DPY19L4: variants seen among roughly 807,000 people sequenced by gnomAD.
DPY19L4 encodes the protein probable C-mannosyltransferase DPY19L4.
In DPY19L4, 97 loss-of-function variants were observed where a neutral mutation model predicts 102.8. The ratio of observed to expected loss-of-function variants is 0.94; its 90% CI spans 0.80 to 1.12. The LOEUF is 1.12. Ranked by LOEUF, DPY19L4 falls within the 50% of genes most tolerant of loss-of-function variation. The pLI is 0.00. For synonymous variants in DPY19L4, 252 were observed against 283.1 expected (o/e 0.89, Z 1.10); for missense variants, 815 against 850.4 (o/e 0.96, Z 0.52).
chr8:94,752,017 T>C (rs1168490806), intron 6 of DPY19L4, among the ~76,000 whole-genome samples: 1 of 152,146 alleles, frequency 6.6e-6, no homozygotes, highest in Non-Finnish European at 1.5e-5. Context: ...TGATGGACAT[T>C]TGGGTAGTTT....
chr8:94,788,095 A>ATAT, intron 18 of DPY19L4, 43 bp downstream of exon 18: 3 of 971,352 alleles, frequency 3.1e-6, no homozygotes, highest in African/African-American at 4.6e-5. Context: ...ATATATATAT[A>ATAT]TTTTTTTTTT....
chr8:94,743,164 A>C (rs1326409444), intron 6 of DPY19L4, among the ~76,000 whole-genome samples: 1 of 151,866 alleles, frequency 6.6e-6, no homozygotes, highest in Non-Finnish European at 1.5e-5. Context: ...AGTAGCTGGG[A>C]TTACAGGTGC....
chr8:94,765,664 A>AT, intron 9 of DPY19L4, 47 bp from the exon 10 acceptor site: 1 of 1,401,938 alleles, frequency 7.1e-7, no homozygotes, highest in Non-Finnish European at 1.0e-6. Context: ...TAAATTGTTA[A>AT]TTTTTTAACA....
At chr8:94,728,204 C>T (rs1249426694) in intron 2 of DPY19L4, among the ~76,000 whole-genome samples, 1 of 152,226 alleles carries the variant, frequency 6.6e-6, no homozygotes, top group Non-Finnish European at 1.5e-5. Flanking sequence ...GGTGATCCGC[C>T]TGCAAGCAGG....
intron 13 of DPY19L4, among the ~76,000 whole-genome samples, chr8:94,770,945 C>T (rs191227948): frequency 0.014 from 2,031 of 148,012 alleles, 36 homozygotes; most frequent in South Asian, 0.062. Context: ...TTTAGAATCT[C>T]GCTCTGTCAC....
At chr8:94,767,999 C>A (rs1026010134) in intron 11 of DPY19L4, among the ~76,000 whole-genome samples, 3 of 151,926 alleles carry the variant, frequency 2.0e-5, no homozygotes, top group Non-Finnish European at 2.9e-5. Flanking sequence ...TTGAATTGGC[C>A]ACATTTCAGC....
intron 15 of DPY19L4, 26 bp from the exon 16 acceptor site, chr8:94,781,056 ATT>A (rs36116205): frequency 0.016 from 18,296 of 1,179,238 alleles, no homozygotes; most frequent in Admixed American, 0.028. Context: ...TCTTTTGGGG[ATT>A]TTTTTTTTTT....
intron 14 of DPY19L4, 33 bp from the exon 15 acceptor site, chr8:94,780,326 T>C: frequency 7.0e-7 from 1 of 1,425,070 alleles, no homozygotes; most frequent in Non-Finnish European, 9.4e-7. Context: ...TGAAATGTAT[T>C]TATTTGTAAT....
intron 16 of DPY19L4, among the ~76,000 whole-genome samples, chr8:94,783,331 G>A (rs1445510753): frequency 1.3e-5 from 2 of 152,126 alleles, no homozygotes; most frequent in African/African-American, 2.4e-5. Flanking sequence ...CACTGAACTA[G>A]CCACCTTATC....
intron 15 of DPY19L4, 36 bp downstream of exon 15, chr8:94,780,451 C>T (rs1484960687): frequency 1.5e-6 from 2 of 1,290,474 alleles, no homozygotes; most frequent in East Asian, 2.6e-5. Context: ...ATAAAATGTA[C>T]TTTATCTACA....
chr8:94,786,035 A>G (rs1415420523), intron 17 of DPY19L4, among the ~76,000 whole-genome samples: 1 of 152,244 alleles, frequency 6.6e-6, no homozygotes, highest in Non-Finnish European at 1.5e-5. Flanking sequence ...TCTCTATGGT[A>G]TGTAGCACAT....
At chr8:94,738,662 C>A (rs1811302006) in intron 4 of DPY19L4, among the ~76,000 whole-genome samples, 1 of 151,608 alleles carries the variant, frequency 6.6e-6, no homozygotes, top group Non-Finnish European at 1.5e-5. Context: ...TAAAGGCATG[C>A]ACCACCATGC....
intron 7 of DPY19L4, among the ~76,000 whole-genome samples, chr8:94,760,647 C>G (rs114749125): frequency 0.015 from 2,243 of 152,272 alleles, 49 homozygotes; most frequent in African/African-American, 0.05. Context: ...CAGTTCTTAT[C>G]TTAGGTTTCT....
intron 1 of DPY19L4, among the ~76,000 whole-genome samples, chr8:94,723,489 A>T (rs1045429951): frequency 6.6e-6 from 1 of 151,678 alleles, no homozygotes; most frequent in African/African-American, 2.4e-5. Context: ...AAAAAAAAAG[A>T]TAGTGAAAAG....
Position 94,725,964 on chromosome 8 carries a change from A to G in DPY19L4, c.17-367A>G, listed in dbSNP as rs1434280752. ...GTTTTGATTTTTAAAGAACAGTTAA[A>G]CCATAAATTATGCATTTGATACTTT... On this transcript the variant is annotated intron_variant, in intron 1 of 18. Coordinates refer to ENST00000414645, the MANE Select transcript of DPY19L4 (RefSeq NM_181787.3). Among the ~76,000 whole-genome samples, 6 of 152,220 alleles carry G rather than the reference A, an allele frequency of 3.9e-5. No individual in the cohort carries two copies. The East Asian group carries it at 9.7e-4, about 25-fold the overall frequency.
intron 14 of DPY19L4, among the ~76,000 whole-genome samples, 164 bp downstream of exon 14, chr8:94,777,950 G>A (rs1813261129): frequency 6.6e-6 from 1 of 152,082 alleles, no homozygotes; most frequent in South Asian, 2.1e-4. Context: ...TAATTTCTGG[G>A]CTGGACGCGG....
intron 2 of DPY19L4, among the ~76,000 whole-genome samples, chr8:94,726,961 G>GTGT (rs1465687955): frequency 6.6e-6 from 1 of 152,126 alleles, no homozygotes; most frequent in Non-Finnish European, 1.5e-5. Flanking sequence ...CTGTCCTTGT[G>GTGT]ATTTATTTCT....
rs1224086164 is a variant in DPY19L4, at chr8:94,783,805, A to G, written c.1848+3A>G. On this transcript the variant is annotated splice_donor_region_variant and intron_variant, in intron 17 of 18. Coordinates refer to ENST00000414645, the MANE Select transcript of DPY19L4 (RefSeq NM_181787.3). The stretch of plus-strand genomic sequence containing the variant: ...ATCTTCTCAAGAGAAATGAAAATGT[A>G]AGACATTTTAAATTCTACATTTGGA... 3.7e-6 allele frequency: 6 copies of G among 1,613,674 alleles called. No homozygotes were observed. In the South Asian group the frequency reaches 5.5e-5, roughly 15 times the overall value.
intron 6 of DPY19L4, among the ~76,000 whole-genome samples, chr8:94,745,263 C>T (rs779536037): frequency 6.6e-6 from 1 of 152,108 alleles, no homozygotes; most frequent in Non-Finnish European, 1.5e-5. Context: ...AGGTGAGTGA[C>T]TCCCTTTGAA....
Sources: gnomAD v4.1 joint callset for allele counts (sites outside exome capture counted in the v4.1 genomes callset) on GRCh38, gnomAD v4.1.1 for gene constraint, MANE v1.5 for transcripts, NCBI Gene and HGNC (gene_info 2026-07-23, HGNC 2026-07-21) for gene names.